The following LCORL variants were observed in gnomAD, a reference collection of about 807,000 sequenced individuals.
The protein encoded by LCORL is ligand-dependent nuclear receptor corepressor-like protein.
In LCORL, 41 loss-of-function variants were observed where a neutral mutation model predicts 141.8. The ratio of observed to expected loss-of-function variants is 0.29; its 90% CI spans 0.23 to 0.38. LCORL has a LOEUF of 0.38. LCORL is among the 10% of genes least tolerant of loss of function. LCORL has a pLI of 1.00. For synonymous variants in LCORL, 618 were observed against 694.1 expected (o/e 0.89, Z 1.72); for missense variants, 1,759 against 2,035.0 (o/e 0.86, Z 2.61).
intron 1 of LCORL, among the ~76,000 whole-genome samples, chr4:18,005,227 A>G (rs952129690): frequency 3.9e-5 from 6 of 152,078 alleles, no homozygotes; most frequent in Admixed American, 1.3e-4. Flanking sequence ...CTAGCAGTCA[A>G]ATTTTGAAGC....
chr4:17,998,985 A>AAAAAAAAAAAATATAT (rs1374815646), intron 1 of LCORL, among the ~76,000 whole-genome samples: 12 of 57,896 alleles, frequency 2.1e-4, no homozygotes, highest in Admixed American at 2.6e-4. Context: ...AAAAAAAAAA[A>AAAAAAAAAAAATATAT]ATATATATAT....
chr4:17,949,093 G>A (rs1739331607), intron 4 of LCORL, among the ~76,000 whole-genome samples: 1 of 152,012 alleles, frequency 6.6e-6, no homozygotes, highest in African/African-American at 2.4e-5. Context: ...TAGCTAGCAG[G>A]TAGAGAGTAC....
intron 4 of LCORL, among the ~76,000 whole-genome samples, chr4:17,953,584 C>T (rs566375711): frequency 3.5e-4 from 53 of 152,286 alleles, no homozygotes; most frequent in African/African-American, 1.1e-3. Context: ...TGCAAGGACT[C>T]CCTCATGATG....
intron 4 of LCORL, among the ~76,000 whole-genome samples, chr4:17,931,126 TTC>T (rs954488999): frequency 3.9e-5 from 6 of 152,150 alleles, no homozygotes; most frequent in African/African-American, 9.6e-5. Flanking sequence ...ATTTTTAAAA[TTC>T]TCTGTTTCAA....
intron 7 of LCORL, among the ~76,000 whole-genome samples, chr4:17,846,659 T>G (rs981521687): frequency 6.6e-6 from 1 of 152,182 alleles, no homozygotes; most frequent in African/African-American, 2.4e-5. Context: ...GTCAGATCTC[T>G]TCAACATTAT....
chr4:18,020,992 G>T (rs1695366688), intron 1 of LCORL, among the ~76,000 whole-genome samples: 1 of 152,090 alleles, frequency 6.6e-6, no homozygotes. Flanking sequence ...GCAGAGTTGG[G>T]CGCCCCCCGC....
chr4:17,912,857 A>G (rs1482850317), intron 4 of LCORL: 6 of 444,404 alleles, frequency 1.4e-5, no homozygotes, highest in African/African-American at 9.9e-5. Flanking sequence ...GAGGACTTCA[A>G]TCTTGGTGAT....
At position 17,990,096 on chromosome 4, in the gene LCORL, G is replaced by GTT. The variant is rs372033680; in HGVS notation, c.155-17213_155-17212dup. Among the ~76,000 whole-genome samples, 283 of 122,614 alleles carry GTT rather than the reference G, an allele frequency of 2.3e-3. 1 individual carries two copies. Among genetic ancestry groups the GTT allele is most frequent in the South Asian group, 7.0e-3 (26 of 3,706 alleles). 80.4% of individuals were successfully genotyped at this position (122,614 alleles called of 152,430 possible). ...AGCAGAAAAAAAGAAAACTCTCTGC[G>GTT]TTTTTTTTTTTTTTTTTTTTGAAAT... On this transcript the variant is annotated intron_variant, in intron 1 of 7. Transcript: ENST00000635767.
At chr4:17,938,255 C>T (rs1349169213) in intron 4 of LCORL, among the ~76,000 whole-genome samples, 1 of 151,874 alleles carries the variant, frequency 6.6e-6, no homozygotes. Context: ...GATCCTCCTG[C>T]CTGGGCCTCC....
chr4:17,994,655 A>C lies in LCORL; in HGVS notation c.155-21770T>G, dbSNP rs544539184. ...CCTGTAATTTTTTAATGTCTCTTTC[A>C]ACTAATCAATTATTCATTTAACAAA... On this transcript the variant is annotated intron_variant, in intron 1 of 7. Transcript: ENST00000635767. 2.0e-5 allele frequency among the ~76,000 whole-genome samples: 3 copies of C among 152,234 alleles called. No homozygotes were observed. In the East Asian group the frequency reaches 5.8e-4, roughly 29 times the overall value.
At chr4:17,882,006 C>T (rs1261979789) in intron 6 of LCORL, 7 of 977,596 alleles carry the variant, frequency 7.2e-6, no homozygotes, top group African/African-American at 1.8e-5. Flanking sequence ...AGGATTCATA[C>T]CCTAGTGTGC....
chr4:17,965,042 A>G (rs1241920965), intron 2 of LCORL, among the ~76,000 whole-genome samples: 1 of 152,138 alleles, frequency 6.6e-6, no homozygotes, highest in Non-Finnish European at 1.5e-5. Flanking sequence ...CAGTTGTAAG[A>G]TAATATCAAG....
At chr4:17,931,180 T>C (rs1338147023) in intron 4 of LCORL, among the ~76,000 whole-genome samples, 1 of 152,078 alleles carries the variant, frequency 6.6e-6, no homozygotes, top group Non-Finnish European at 1.5e-5. Flanking sequence ...ATTTTAATAC[T>C]TTCTCTCTAT....
chr4:17,997,573 C>G (rs1010268924), intron 1 of LCORL, among the ~76,000 whole-genome samples: 1 of 152,084 alleles, frequency 6.6e-6, no homozygotes, highest in Non-Finnish European at 1.5e-5. Flanking sequence ...AATGATAATG[C>G]TTTAGAGAAC....
intron 4 of LCORL, among the ~76,000 whole-genome samples, chr4:17,948,037 T>A (rs1056132650): frequency 7.9e-5 from 12 of 151,972 alleles, no homozygotes; most frequent in Non-Finnish European, 1.5e-4. Flanking sequence ...CACATAAATA[T>A]AATTGGATTT....
chr4:17,854,514 T>G (rs1724130780), intron 7 of LCORL, among the ~76,000 whole-genome samples: 1 of 152,140 alleles, frequency 6.6e-6, no homozygotes, highest in Non-Finnish European at 1.5e-5. Flanking sequence ...AAGATTAAAT[T>G]TGTGTAGACA....
intron 6 of LCORL, chr4:17,881,577 A>G: frequency 2.0e-6 from 2 of 978,046 alleles, no homozygotes; most frequent in Non-Finnish European, 2.4e-6. Context: ...TGTGAAGTCA[A>G]TAGCAAAATG....
At chr4:17,878,411 A>G (rs918567506) in intron 6 of LCORL, among the ~76,000 whole-genome samples, 198 bp from the exon 7 acceptor site, 1 of 151,564 alleles carries the variant, frequency 6.6e-6, no homozygotes, top group East Asian at 1.9e-4. Context: ...ATGACAAAGT[A>G]TAAGTCAAAG....
At chr4:17,993,748 G>A (rs578010499) in intron 1 of LCORL, among the ~76,000 whole-genome samples, 28 of 152,250 alleles carry the variant, frequency 1.8e-4, no homozygotes, top group African/African-American at 5.5e-4. Context: ...CAAGCAGCAA[G>A]TGGCGAATAG....
Sources: allele counts gnomAD v4.1 joint callset (sites outside exome capture counted in the v4.1 genomes callset), GRCh38; gene constraint gnomAD v4.1.1; transcripts MANE v1.5; gene names NCBI Gene and HGNC (gene_info 2026-07-23, HGNC 2026-07-21).